TSPAN9: variants seen among roughly 807,000 people sequenced by gnomAD.
The protein encoded by TSPAN9 is tetraspanin-9.
In TSPAN9, 16 loss-of-function variants were observed where a neutral mutation model predicts 31.0. That is an observed-to-expected ratio of 0.52 (90% confidence interval 0.35 to 0.78). The LOEUF (loss-of-function observed/expected upper bound fraction) is 0.78, where lower values mean the gene tolerates loss of function less well. Among genes scored for constraint, TSPAN9 ranks in the 30% least tolerant of loss-of-function variants. The probability of loss-of-function intolerance (pLI) is 0.01; values close to 1 mark genes in which losing one functional copy is unlikely to be tolerated. For synonymous variants in TSPAN9, 145 were observed against 121.6 expected (o/e 1.19, Z -1.27); for missense variants, 272 against 312.5 (o/e 0.87, Z 0.98).
At chr12:3,129,781 T>C (rs1052251848) in intron 2 of TSPAN9, among the ~76,000 whole-genome samples, 1 of 152,204 alleles carries the variant, frequency 6.6e-6, no homozygotes, top group Non-Finnish European at 1.5e-5. Flanking sequence ...CATAATTCCC[T>C]TGCTGGGCAG....
At chr12:3,153,098 C>T (rs953944006) in intron 2 of TSPAN9, among the ~76,000 whole-genome samples, 1 of 152,170 alleles carries the variant, frequency 6.6e-6, no homozygotes, top group Non-Finnish European at 1.5e-5. Context: ...GCAGGGCAGG[C>T]CTTCCTTGAA....
chr12:3,235,505 C>G (rs61907353), intron 3 of TSPAN9, among the ~76,000 whole-genome samples: 10,658 of 151,772 alleles, frequency 0.07, 479 homozygotes, highest in Non-Finnish European at 0.1. Flanking sequence ...TTGAGAGGAT[C>G]AGAGGAGATC....
chr12:3,213,043 G>A (rs1169155760), intron 3 of TSPAN9, among the ~76,000 whole-genome samples: 1 of 152,154 alleles, frequency 6.6e-6, no homozygotes, highest in Non-Finnish European at 1.5e-5. Flanking sequence ...TAATGCAAAG[G>A]GTGTCAAACA....
chr12:3,230,762 G>A (rs949099306), intron 3 of TSPAN9, among the ~76,000 whole-genome samples: 2 of 152,124 alleles, frequency 1.3e-5, no homozygotes, highest in East Asian at 1.9e-4. Context: ...GCACACCCCC[G>A]TTCTCATCCA....
intron 3 of TSPAN9, among the ~76,000 whole-genome samples, chr12:3,222,006 T>C (rs778783397): frequency 1.3e-5 from 2 of 152,222 alleles, no homozygotes; most frequent in Non-Finnish European, 2.9e-5. Flanking sequence ...TTGTAAACCA[T>C]GTTGTTTAAG....
At position 3,147,200 on chromosome 12, in the gene TSPAN9, C is replaced by G. The variant is rs1293145672; in HGVS notation, c.-17-53977C>G. Reference sequence around the variant, plus strand: ...GCCCTGGCCCTCTGCAGGTCACGCTCCAGCCTGGAACCCAGGTGAGGTATG... The same window carrying G: ...GCCCTGGCCCTCTGCAGGTCACGCTGCAGCCTGGAACCCAGGTGAGGTATG... On this transcript the variant is annotated intron_variant, in intron 2 of 8. Coordinates refer to ENST00000011898, the MANE Select transcript of TSPAN9 (RefSeq NM_006675.5). The surrounding 1 kb of genome is among the most constrained non-coding windows in gnomAD (Gnocchi z 4.3). Among the ~76,000 whole-genome samples, 1 of 152,130 alleles carries G rather than the reference C, an allele frequency of 6.6e-6. No homozygotes were observed. The highest frequency in any genetic ancestry group is 1.5e-5 in the Non-Finnish European group (1 of 68,034).
intron 2 of TSPAN9, among the ~76,000 whole-genome samples, chr12:3,087,351 GA>G (rs535455729): frequency 0.012 from 1,809 of 151,486 alleles, 25 homozygotes; most frequent in African/African-American, 0.04. Context: ...AATAAGAATA[GA>G]AAAAAAAATT....
rs188239960 is a variant in TSPAN9, at chr12:3,252,751, A to G, written c.64-25670A>G. Among the ~76,000 whole-genome samples, 621 of 152,240 alleles carry G rather than the reference A, an allele frequency of 4.1e-3. 3 individuals are homozygous for G. Among genetic ancestry groups the G allele is most frequent in the Middle Eastern group, 0.014 (4 of 294 alleles). ...CATCCGTGTGGCCTATTTTAAACTG[A>G]AGGGAACAGAAAGAGGTGCCTCTCA... On this transcript the variant is annotated intron_variant, in intron 3 of 8. Transcript: ENST00000011898.
intron 2 of TSPAN9, among the ~76,000 whole-genome samples, chr12:3,146,039 C>A (rs1019366261): frequency 6.6e-6 from 1 of 152,242 alleles, no homozygotes; most frequent in Non-Finnish European, 1.5e-5. Flanking sequence ...GGCACAGGCA[C>A]GAGGACGCTT....
intron 3 of TSPAN9, among the ~76,000 whole-genome samples, chr12:3,231,664 G>T (rs2153976139): frequency 6.6e-6 from 1 of 152,354 alleles, no homozygotes; most frequent in African/African-American, 2.4e-5. Flanking sequence ...CAGGGCAACA[G>T]ATGTTCGCTT....
At chr12:3,254,981 GGAA>G (rs899795102) in intron 3 of TSPAN9, among the ~76,000 whole-genome samples, 4 of 152,178 alleles carry the variant, frequency 2.6e-5, no homozygotes, top group Non-Finnish European at 2.9e-5. Context: ...GGGAGAGGCT[GGAA>G]GGAGGGCAGC....
At chr12:3,095,460 C>A (rs1284638608) in intron 2 of TSPAN9, among the ~76,000 whole-genome samples, 1 of 141,154 alleles carries the variant, frequency 7.1e-6, no homozygotes, top group Non-Finnish European at 1.5e-5. Flanking sequence ...GGCAGAGGCG[C>A]CCCTCACCTC....
intron 2 of TSPAN9, among the ~76,000 whole-genome samples, chr12:3,124,585 T>A (rs1391104232): frequency 6.6e-6 from 1 of 151,898 alleles, no homozygotes; most frequent in Admixed American, 6.6e-5. Context: ...TAATTTTGGA[T>A]TTTTAGTAGA....
chr12:3,242,617 A>AGC (rs1296498092), intron 3 of TSPAN9, among the ~76,000 whole-genome samples: 1 of 152,170 alleles, frequency 6.6e-6, no homozygotes, highest in Non-Finnish European at 1.5e-5. Flanking sequence ...CCCAGCTGAC[A>AGC]GCTCAGGGCT....
chr12:3,281,892 G>C, intron 8 of TSPAN9, 75 bp downstream of exon 8: 1 of 1,519,384 alleles, frequency 6.6e-7, no homozygotes, highest in South Asian at 1.2e-5. Flanking sequence ...ACAGAGAAGT[G>C]AAAGCAGTGT....
intron 2 of TSPAN9, among the ~76,000 whole-genome samples, chr12:3,085,077 T>C (rs2098299764): frequency 6.6e-6 from 1 of 151,890 alleles, no homozygotes; most frequent in African/African-American, 2.4e-5. Context: ...GGAAAATCAG[T>C]CTGGTGAAGA....
intron 2 of TSPAN9, among the ~76,000 whole-genome samples, chr12:3,087,699 G>C (rs993553636): frequency 9.3e-5 from 14 of 151,346 alleles, no homozygotes; most frequent in Non-Finnish European, 1.9e-4. Context: ...CCAGATACTC[G>C]GGAGGCTGAG....
chr12:3,209,472 T>C (rs1261917886), intron 3 of TSPAN9, among the ~76,000 whole-genome samples: 2 of 152,152 alleles, frequency 1.3e-5, no homozygotes, highest in South Asian at 2.1e-4. Flanking sequence ...GGCGTTTCTT[T>C]AGGACAGTGC....
intron 3 of TSPAN9, among the ~76,000 whole-genome samples, chr12:3,261,999 TGCAACAGAGGTCAGAGTTTCCTGAAC>T (rs1862458529): frequency 6.6e-6 from 1 of 152,264 alleles, no homozygotes; most frequent in Non-Finnish European, 1.5e-5. Context: ...GGTTTGCTTT[TGCAACAGAGGTCAGAGTTTCCTGAAC>T]TGAAGCCAGA....
Sources: allele counts gnomAD v4.1 joint callset (sites outside exome capture counted in the v4.1 genomes callset), GRCh38; gene constraint gnomAD v4.1.1; non-coding constraint Gnocchi (gnomAD v3.1); transcripts MANE v1.5; gene names NCBI Gene and HGNC (gene_info 2026-07-23, HGNC 2026-07-21).